The following CAMKMT variants were observed in gnomAD, a reference collection of about 807,000 sequenced individuals.
The protein encoded by CAMKMT is calmodulin-lysine N-methyltransferase.
A neutral mutation model predicts 48.0 loss-of-function variants in CAMKMT; 53 were observed. That is an observed-to-expected ratio of 1.10 (90% confidence interval 0.89 to 1.39). The LOEUF (loss-of-function observed/expected upper bound fraction) is 1.39. Among genes scored for constraint, CAMKMT ranks in the 40% most tolerant of loss-of-function variants. The probability of loss-of-function intolerance (pLI) is 0.00; values close to 1 mark genes in which losing one functional copy is unlikely to be tolerated. For missense variants in CAMKMT, 428 were observed against 402.7 expected, an observed-to-expected ratio of 1.06 and a Z score of -0.54; for synonymous variants, 165 against 152.3, an observed-to-expected ratio of 1.08 and a Z score of -0.61.
At chr2:44,610,183 G>T (rs1671522914) in intron 3 of CAMKMT, among the ~76,000 whole-genome samples, 1 of 152,114 alleles carries the variant, frequency 6.6e-6, no homozygotes, top group Admixed American at 6.5e-5. Context: ...ACTGCATTGT[G>T]TAAGTCTCTG....
intron 3 of CAMKMT, among the ~76,000 whole-genome samples, chr2:44,396,752 A>AAAG (rs1553378401): frequency 6.6e-6 from 1 of 151,582 alleles, no homozygotes; most frequent in African/African-American, 2.4e-5. Flanking sequence ...AAAAAAAAAA[A>AAAG]AAAGAAAGAA....
chr2:44,744,083 A>T (rs1364183442), intron 8 of CAMKMT, among the ~76,000 whole-genome samples: 3 of 152,196 alleles, frequency 2.0e-5, no homozygotes, highest in Non-Finnish European at 4.4e-5. Flanking sequence ...GAGAGATCTG[A>T]CTATTGATAT....
Position 44,618,240 on chromosome 2 carries a change from A to T in CAMKMT, c.377-86043A>T, listed in dbSNP as rs1196120243. Among the ~76,000 whole-genome samples the T allele has an allele frequency of 6.6e-6, 1 of 152,186 alleles. No individual in the cohort carries two copies. Among genetic ancestry groups the T allele is most frequent in the East Asian group, 1.9e-4 (1 of 5,192 alleles). On this transcript the variant is annotated intron_variant, in intron 3 of 10. Transcript: ENST00000378494. The surrounding 1 kb of genome is among the most constrained non-coding windows in gnomAD (Gnocchi z 4.0). ...CTCAGATTATTGAGTGACAAACTTT[A>T]TTGAATTTGACTTAACAGAAGTCAG...
chr2:44,744,167 G>A (rs1679826671), intron 8 of CAMKMT, among the ~76,000 whole-genome samples: 1 of 151,920 alleles, frequency 6.6e-6, no homozygotes, highest in African/African-American at 2.4e-5. Context: ...ATATCTTTGG[G>A]GAAATAGCTT....
At chr2:44,431,841 G>T (rs1037055448) in intron 3 of CAMKMT, among the ~76,000 whole-genome samples, 1 of 152,158 alleles carries the variant, frequency 6.6e-6, no homozygotes, top group Non-Finnish European at 1.5e-5. Context: ...TGGGAAATGG[G>T]GAACTAGTCT....
At chr2:44,413,856 T>C (rs1050809595) in intron 3 of CAMKMT, among the ~76,000 whole-genome samples, 1 of 152,228 alleles carries the variant, frequency 6.6e-6, no homozygotes, top group Admixed American at 6.5e-5. Context: ...GAAGACTTGA[T>C]TTAATATCTG....
At chr2:44,607,594 T>C (rs1671356305) in intron 3 of CAMKMT, among the ~76,000 whole-genome samples, 1 of 152,212 alleles carries the variant, frequency 6.6e-6, no homozygotes, top group East Asian at 1.9e-4. Context: ...ATTATTGATA[T>C]GTTTTTTAGT....
intron 3 of CAMKMT, among the ~76,000 whole-genome samples, chr2:44,673,610 T>C (rs1212761398): frequency 2.6e-5 from 4 of 151,570 alleles, no homozygotes; most frequent in African/African-American, 9.7e-5. Context: ...CAAAGAGGGG[T>C]TCTCATTTGG....
chr2:44,467,088 A>G (rs1668155827), intron 3 of CAMKMT, among the ~76,000 whole-genome samples: 1 of 151,876 alleles, frequency 6.6e-6, no homozygotes, highest in Non-Finnish European at 1.5e-5. Flanking sequence ...CTGTCTATAC[A>G]AAAAATAAAA....
intron 3 of CAMKMT, among the ~76,000 whole-genome samples, chr2:44,477,137 T>C (rs1357914856): frequency 6.6e-6 from 1 of 152,204 alleles, no homozygotes; most frequent in Non-Finnish European, 1.5e-5. Flanking sequence ...TACCTATGTA[T>C]TTAATCACTA....
intron 3 of CAMKMT, among the ~76,000 whole-genome samples, chr2:44,573,207 G>C (rs1572831126): frequency 1.3e-5 from 2 of 152,000 alleles, no homozygotes; most frequent in African/African-American, 4.8e-5. Context: ...ATCTTTTCAT[G>C]TGCTGTTTGG....
intron 9 of CAMKMT, among the ~76,000 whole-genome samples, chr2:44,754,559 A>G (rs754134111): frequency 9.2e-5 from 14 of 152,124 alleles, no homozygotes; most frequent in Non-Finnish European, 1.8e-4. Flanking sequence ...TTCTGTTTAT[A>G]TTAAAGAAAA....
At chr2:44,581,212 A>G (rs2103775120) in intron 3 of CAMKMT, among the ~76,000 whole-genome samples, 1 of 152,350 alleles carries the variant, frequency 6.6e-6, no homozygotes, top group South Asian at 2.1e-4. Context: ...TGTAATAACA[A>G]AAAGCCTATG....
At chr2:44,650,784 G>A (rs1323325378) in intron 3 of CAMKMT, among the ~76,000 whole-genome samples, 1 of 150,388 alleles carries the variant, frequency 6.6e-6, no homozygotes, top group African/African-American at 2.5e-5. Flanking sequence ...GTGGTTATAA[G>A]AATCAGTAAA....
intron 7 of CAMKMT, among the ~76,000 whole-genome samples, chr2:44,742,104 G>A (rs1419959549): frequency 2.0e-5 from 3 of 152,094 alleles, no homozygotes; most frequent in African/African-American, 7.2e-5. Flanking sequence ...TCAGGGCTGT[G>A]ATGAGGGCTG....
intron 7 of CAMKMT, among the ~76,000 whole-genome samples, chr2:44,723,024 A>G (rs1421635575): frequency 6.6e-6 from 1 of 152,202 alleles, no homozygotes; most frequent in Non-Finnish European, 1.5e-5. Context: ...AAACAAAAAC[A>G]CAGAGCTGGG....
intron 10 of CAMKMT, among the ~76,000 whole-genome samples, chr2:44,766,830 G>T (rs1680862546): frequency 6.6e-6 from 1 of 152,206 alleles, no homozygotes; most frequent in East Asian, 1.9e-4. Context: ...TTTGTAGGAT[G>T]TAAGGGGAGG....
At chr2:44,591,597 A>G (rs1002566559) in intron 3 of CAMKMT, among the ~76,000 whole-genome samples, 2 of 152,118 alleles carry the variant, frequency 1.3e-5, no homozygotes, top group Non-Finnish European at 2.9e-5. Flanking sequence ...AAATAGGAAC[A>G]CTTTTACACT....
chr2:44,567,792 A>G (rs1176872776), intron 3 of CAMKMT, among the ~76,000 whole-genome samples: 1 of 152,190 alleles, frequency 6.6e-6, no homozygotes, highest in East Asian at 1.9e-4. Context: ...CTAGACATTA[A>G]CAATGTTTCT....
Sources: gnomAD v4.1 joint callset for allele counts (sites outside exome capture counted in the v4.1 genomes callset) on GRCh38, gnomAD v4.1.1 for gene constraint, Gnocchi (gnomAD v3.1) non-coding constraint, MANE v1.5 for transcripts, NCBI Gene and HGNC (gene_info 2026-07-23, HGNC 2026-07-21) for gene names.